The following PTPRR variants were observed in gnomAD, a reference collection of about 807,000 sequenced individuals.
PTPRR encodes the protein receptor-type tyrosine-protein phosphatase R.
In PTPRR, 38 loss-of-function variants were observed where a neutral mutation model predicts 77.2. That is an observed-to-expected ratio of 0.49 (90% confidence interval 0.38 to 0.65). The LOEUF is 0.65. Ranked by LOEUF, PTPRR falls within the 30% of genes least tolerant of loss-of-function variation. PTPRR has a pLI of 0.00. For missense variants in PTPRR, 744 were observed against 799.2 expected (o/e 0.93, Z 0.83); for synonymous variants, 299 against 283.1 (o/e 1.06, Z -0.57).
chr12:70,840,971 C>CTT (rs35818832), intron 2 of PTPRR, among the ~76,000 whole-genome samples: 38,673 of 133,094 alleles, frequency 0.29, 6,370 homozygotes, highest in Admixed American at 0.44. Context: ...GTTTTTATGG[C>CTT]TTTTTTTTTT....
At chr12:70,691,996 C>A (rs79569876) in intron 8 of PTPRR, among the ~76,000 whole-genome samples, 1 of 152,156 alleles carries the variant, frequency 6.6e-6, no homozygotes, top group African/African-American at 2.4e-5. Flanking sequence ...ACCTGTAAAT[C>A]ATTACCTCTA....
chr12:70,901,078 A>C (rs77215436), intron 1 of PTPRR, among the ~76,000 whole-genome samples: 9,297 of 151,660 alleles, frequency 0.061, 361 homozygotes, highest in Admixed American at 0.078. Context: ...TCCAACAAGC[A>C]TTTCCTTTGA....
intron 10 of PTPRR, among the ~76,000 whole-genome samples, chr12:70,665,568 G>A (rs1355747494): frequency 1.3e-5 from 2 of 151,328 alleles, no homozygotes; most frequent in Admixed American, 6.6e-5. Flanking sequence ...TTTTAGTAGA[G>A]ACGGGGTTTC....
intron 1 of PTPRR, among the ~76,000 whole-genome samples, chr12:70,904,022 G>T (rs928301808): frequency 6.6e-6 from 1 of 151,822 alleles, no homozygotes; most frequent in Admixed American, 6.6e-5. Context: ...ATTAAAAATT[G>T]TGATATGATA....
chr12:70,719,495 G>C (rs978792074), intron 6 of PTPRR, among the ~76,000 whole-genome samples: 3 of 151,382 alleles, frequency 2.0e-5, no homozygotes, highest in African/African-American at 7.3e-5. Context: ...TAGTAATATA[G>C]TTCCTAACAA....
intron 10 of PTPRR, among the ~76,000 whole-genome samples, chr12:70,677,702 T>C (rs532179741): frequency 2.2e-4 from 33 of 152,352 alleles, no homozygotes; most frequent in African/African-American, 7.2e-4. Context: ...ACGTGATGTA[T>C]CATATTTATT....
At chr12:70,639,845 C>T (rs1415350858) in intron 13 of PTPRR, among the ~76,000 whole-genome samples, 5 of 152,174 alleles carry the variant, frequency 3.3e-5, no homozygotes, top group Non-Finnish European at 7.4e-5. Flanking sequence ...AACTCATCTG[C>T]AAAATGTTGC....
At chr12:70,663,786 T>C (rs781209781) in intron 10 of PTPRR, among the ~76,000 whole-genome samples, 1 of 152,212 alleles carries the variant, frequency 6.6e-6, no homozygotes, top group Non-Finnish European at 1.5e-5. Context: ...CTCCCAACCA[T>C]ACATACATTT....
intron 2 of PTPRR, among the ~76,000 whole-genome samples, chr12:70,787,303 TC>T (rs1891342894): frequency 6.6e-6 from 1 of 152,222 alleles, no homozygotes; most frequent in Non-Finnish European, 1.5e-5. Flanking sequence ...TATAGCTTAT[TC>T]CTTTTTGTGA....
chr12:70,741,641 C>T (rs3921476), intron 6 of PTPRR, among the ~76,000 whole-genome samples: 31,739 of 151,934 alleles, frequency 0.21, 3,599 homozygotes, highest in East Asian at 0.43. Flanking sequence ...TGGAAGGTGG[C>T]GTCTCGGGGT....
intron 6 of PTPRR, among the ~76,000 whole-genome samples, chr12:70,726,701 CT>C (rs1029650580): frequency 1.3e-5 from 2 of 151,968 alleles, no homozygotes; most frequent in African/African-American, 4.8e-5. Context: ...ACATCTCAGC[CT>C]CCCAAGTAGC....
chr12:70,685,565 G>A (rs1484650731), intron 8 of PTPRR, among the ~76,000 whole-genome samples: 1 of 151,126 alleles, frequency 6.6e-6, no homozygotes, highest in South Asian at 2.1e-4. Context: ...CATGAGAATT[G>A]CTTGAACCCG....
At chr12:70,854,821 C>A (rs78865403) in intron 2 of PTPRR, among the ~76,000 whole-genome samples, 14 of 152,108 alleles carry the variant, frequency 9.2e-5, no homozygotes, top group Admixed American at 1.3e-4. Context: ...ACCTGTTAAG[C>A]GTTTGTTGTG....
chr12:70,709,525 CCCTGTTTGCAGATGACATGAT>C (rs1030758149), intron 6 of PTPRR, among the ~76,000 whole-genome samples: 17 of 152,174 alleles, frequency 1.1e-4, no homozygotes, highest in East Asian at 3.9e-4. Flanking sequence ...AGTAAACTAT[CCCTGTTTGCAGATGACATGAT>C]CCTGTTTGCA....
intron 6 of PTPRR, among the ~76,000 whole-genome samples, chr12:70,737,272 G>C (rs1379448836): frequency 6.6e-6 from 1 of 151,982 alleles, no homozygotes; most frequent in Admixed American, 6.6e-5. Context: ...CCACCTCTTT[G>C]CTTGTCCTCT....
intron 2 of PTPRR, among the ~76,000 whole-genome samples, chr12:70,817,772 T>C (rs1344568607): frequency 1.3e-5 from 2 of 152,252 alleles, no homozygotes; most frequent in East Asian, 1.9e-4. Context: ...GAGATACATT[T>C]GATACAGACC....
At chr12:70,871,640 C>T (rs960956384) in intron 2 of PTPRR, among the ~76,000 whole-genome samples, 1 of 152,128 alleles carries the variant, frequency 6.6e-6, no homozygotes, top group African/African-American at 2.4e-5. Flanking sequence ...TGTCTCAGTA[C>T]TTGAGTATGG....
chr12:70,829,140 T>A (rs573956237), intron 2 of PTPRR, among the ~76,000 whole-genome samples: 1 of 152,170 alleles, frequency 6.6e-6, no homozygotes. Context: ...GTAACTTGTC[T>A]ATTCCATATC....
intron 10 of PTPRR, among the ~76,000 whole-genome samples, chr12:70,673,445 A>T (rs1028691333): frequency 3.3e-5 from 5 of 152,258 alleles, no homozygotes; most frequent in Non-Finnish European, 5.9e-5. Context: ...TCCTTGTGAG[A>T]TATTGTTTCA....
Sources: allele counts gnomAD v4.1 joint callset (sites outside exome capture counted in the v4.1 genomes callset), GRCh38; gene constraint gnomAD v4.1.1; transcripts MANE v1.5; gene names NCBI Gene and HGNC (gene_info 2026-07-23, HGNC 2026-07-21).